The following NIBAN2 variants were observed in gnomAD, a reference collection of about 807,000 sequenced individuals.
NIBAN2 encodes the protein niban apoptosis regulator 2.
A neutral mutation model predicts 81.8 loss-of-function variants in NIBAN2; 36 were observed. That is an observed-to-expected ratio of 0.44 (90% CI 0.34 to 0.58). The LOEUF is 0.58. Among genes scored for constraint, NIBAN2 ranks in the 20% least tolerant of loss-of-function variants. The probability of loss-of-function intolerance (pLI) is 0.02; values close to 1 mark genes in which losing one functional copy is unlikely to be tolerated. For synonymous variants in NIBAN2, 445 were observed against 441.6 expected (o/e 1.01, Z -0.10); for missense variants, 897 against 1,014.1 (o/e 0.88, Z 1.57).
At chr9:127,527,116 T>C (rs1837083587) in intron 3 of NIBAN2, 78 bp downstream of exon 3, 1 of 1,574,832 alleles carries the variant, frequency 6.3e-7, no homozygotes. Flanking sequence ...GTCTGGGGCC[T>C]AAGTTTCCGA....
At chr9:127,573,540 T>C (rs1373479114), upstream of NIBAN2, among the ~76,000 whole-genome samples, 2 of 151,916 alleles carry the variant, frequency 1.3e-5, no homozygotes, top group Non-Finnish European at 2.9e-5. Flanking sequence ...TTCTCAACTC[T>C]AAAATGCTGG....
At chr9:127,539,761 G>C (rs114200386) in intron 1 of NIBAN2, among the ~76,000 whole-genome samples, 3,852 of 152,134 alleles carry the variant, frequency 0.025, 154 homozygotes, top group African/African-American at 0.087. Context: ...CAGCCCCCTC[G>C]GGCCAGACAA....
At chr9:127,521,146 C>T (rs1396981905) in intron 5 of NIBAN2, among the ~76,000 whole-genome samples, 5 of 152,278 alleles carry the variant, frequency 3.3e-5, no homozygotes, top group East Asian at 3.9e-4. Context: ...AAACTGAGGC[C>T]CCAGCCCTGG....
At position 127,517,949 on chromosome 9, in the gene NIBAN2, G is replaced by A. The variant is rs745764324; in HGVS notation, c.590-8C>T. On this transcript the variant is annotated splice_polypyrimidine_tract_variant and splice_region_variant and intron_variant, in intron 5 of 13. Transcript: ENST00000373312. The surrounding 1 kb of genome is among the most constrained non-coding windows in gnomAD (Gnocchi z 4.0). Reference sequence around the variant, plus strand: ...TGGAGTCCTCAGGGATTCCTGCCCAGGAGACGGAGGGAGAGAGGAGGTCAG... The same window carrying A: ...TGGAGTCCTCAGGGATTCCTGCCCAAGAGACGGAGGGAGAGAGGAGGTCAG... 2.5e-6 allele frequency: 4 copies of A among 1,571,812 alleles called. No individual in the cohort carries two copies. Among genetic ancestry groups the A allele is most frequent in the African/African-American group, 2.7e-5 (2 of 73,966 alleles).
Position 127,536,957 on chromosome 9 carries a change from C to T in NIBAN2, c.56-5179G>A, listed in dbSNP as rs533599805. On this transcript the variant is annotated intron_variant, in intron 1 of 13. Transcript: ENST00000373312. This position sits in a 1 kb window ranked among gnomAD's most constrained non-coding sequence, Gnocchi z 4.0. The stretch of plus-strand genomic sequence containing the variant: ...TCCAGCTGGTGGTAGAAATCACTCG[C>T]TTCTGTGAGCTACAGAGAGGCTGGG... Among the ~76,000 whole-genome samples, 6 of 152,352 alleles carry T rather than the reference C, an allele frequency of 3.9e-5. No individual in the cohort carries two copies. The highest frequency in any genetic ancestry group is 1.3e-4 in the Admixed American group (2 of 15,302).
Position 127,515,845 on chromosome 9 carries a change from A to G in NIBAN2, c.973+1012T>C, listed in dbSNP as rs117432531. Among the ~76,000 whole-genome samples, 331 of 151,794 alleles carry G rather than the reference A, an allele frequency of 2.2e-3. 3 individuals carry two copies. In the East Asian group the frequency reaches 0.043, roughly 20 times the overall value. On this transcript the variant is annotated intron_variant, in intron 8 of 13. Coordinates refer to ENST00000373312, the MANE Select transcript of NIBAN2 (RefSeq NM_022833.4). The stretch of plus-strand genomic sequence containing the variant: ...ATCAAGACTCCATCTCAAAATAATA[A>G]TAATAATAATGGCTGGGCACAGTCG...
chr9:127,515,998 C>T (rs1450053509), intron 8 of NIBAN2, among the ~76,000 whole-genome samples: 4 of 152,104 alleles, frequency 2.6e-5, no homozygotes, highest in Admixed American at 6.5e-5. Flanking sequence ...ATGTGCTGGG[C>T]GTGGTGGCAC....
intron 3 of NIBAN2, among the ~76,000 whole-genome samples, chr9:127,526,398 CAAAA>C (rs71495649): frequency 1.1e-5 from 1 of 92,590 alleles, no homozygotes; most frequent in African/African-American, 4.3e-5. Flanking sequence ...GACTTCATCT[CAAAA>C]AAAAAAAAAA....
chr9:127,523,246 T>G (rs1588160571), intron 5 of NIBAN2, among the ~76,000 whole-genome samples: 1 of 62,770 alleles, frequency 1.6e-5, no homozygotes, highest in Non-Finnish European at 2.8e-5. Flanking sequence ...TATATATATA[T>G]ATATATAAAA....
In NIBAN2 at chr9:127,505,369, A is replaced by T. The variant is rs1427041758; in HGVS notation, c.*1476T>A. 3 of 152,658 alleles carry T rather than the reference A, an allele frequency of 2.0e-5. No individual in the cohort carries two copies. The highest frequency in any genetic ancestry group is 6.5e-5 in the Admixed American group (1 of 15,290). 9.5% of individuals were successfully genotyped at this position (152,658 alleles called of 1,614,324 possible). A position where few individuals can be genotyped will look rare whatever the true frequency, so the allele number is the denominator to read the frequency against. On this transcript the variant is annotated 3_prime_UTR_variant, in exon 14 of 14. Coordinates refer to ENST00000373312, the MANE Select transcript of NIBAN2 (RefSeq NM_022833.4). ...TTAAATAAAGCGTTTATTGATTAGT[A>T]GAAGCATGAACAGTGTGCATAATAT...
chr9:127,527,067 C>T, intron 3 of NIBAN2, 127 bp downstream of exon 3: 2 of 1,180,582 alleles, frequency 1.7e-6, no homozygotes, highest in African/African-American at 1.5e-5. Flanking sequence ...TGAGGTGGTG[C>T]TCTGGCCCTG....
intron 1 of NIBAN2, among the ~76,000 whole-genome samples, chr9:127,567,063 A>G (rs1294534044): frequency 6.6e-6 from 1 of 151,922 alleles, no homozygotes; most frequent in East Asian, 1.9e-4. Context: ...AATAAATCCA[A>G]CCCTCTCCAG....
Position 127,507,431 on chromosome 9 carries a change from G to T in NIBAN2, c.1655C>A (p.Ala552Asp). ...LQTVMKDILQAVKEAAVQRKH... is the reference protein window; with the variant it reads ...LQTVMKDILQDVKEAAVQRKH... Reference sequence around the variant, plus strand: ...CCTCTGCACCGCGGCCTCCTTCACAGCTACAGGGCCACAGGGGAAGGGTCA... The same window carrying T: ...CCTCTGCACCGCGGCCTCCTTCACATCTACAGGGCCACAGGGGAAGGGTCA... The change falls in exon 14 of 14, where the codon GCT (alanine) becomes GAT (aspartate). Residue 552 changes from alanine to aspartate, a missense_variant and splice_region_variant. Physicochemically the swap from Ala to Asp is moderately radical, Grantham distance 126 (BLOSUM62 -2). Transcript: ENST00000373312. The surrounding 1 kb of genome is among the most constrained non-coding windows in gnomAD (Gnocchi z 6.8). 1 of 1,505,180 alleles carries T rather than the reference G, an allele frequency of 6.6e-7. No individual in the cohort carries two copies. The highest frequency in any genetic ancestry group is 2.3e-5 in the Admixed American group (1 of 42,738). The allele number at this position is 1,505,180 out of a possible 1,614,324, so 93.2% of individuals were successfully genotyped here. A position where few individuals can be genotyped will look rare whatever the true frequency, so the allele number is the denominator to read the frequency against.
In NIBAN2 at chr9:127,527,307, G is replaced by T. The variant is rs769941762; in HGVS notation, c.202C>A (p.Arg68Ser). 8.7e-6 allele frequency: 14 copies of T among 1,613,464 alleles called. No homozygotes were observed. Among genetic ancestry groups the T allele is most frequent in the Non-Finnish European group, 1.2e-5 (14 of 1,179,886 alleles). Residue 68 changes from arginine (R) to serine (S), a missense_variant, in exon 3 of 14, where the codon CGC becomes AGC. Arg to Ser is a moderately radical substitution (Grantham distance 110). Coordinates refer to ENST00000373312, the MANE Select transcript of NIBAN2 (RefSeq NM_022833.4). ...AAGAGGTTCCCCGAGAAGACGATGC[G>T]CTCGTCCAGTGGCACCTGTGGGCAG... ...LLWRKVPLDERIVFSGNLFQH... is the reference protein window; with the variant it reads ...LLWRKVPLDESIVFSGNLFQH...
At chr9:127,522,410 C>G (rs567415668) in intron 5 of NIBAN2, among the ~76,000 whole-genome samples, 125 of 152,290 alleles carry the variant, frequency 8.2e-4, no homozygotes, top group African/African-American at 3.0e-3. Context: ...AGGAGCTTCC[C>G]TCAGGCCAGA....
rs1837909105 is a variant in NIBAN2 at position 127,568,990 on chromosome 9, GCTCCCGC to G, written c.-123_-117del. ...CCGCCCTGCTTCCCCCGCTCCCGCC[GCTCCCGC>G]CGCTCCCGCCGCCCGGCTGCGGCTT... is the stretch of plus-strand genomic sequence containing the variant. On this transcript the variant is annotated 5_prime_UTR_variant, in exon 1 of 14. Coordinates refer to ENST00000373312, the MANE Select transcript of NIBAN2 (RefSeq NM_022833.4). 2 of 1,114,316 alleles carry G rather than the reference GCTCCCGC, an allele frequency of 1.8e-6. No homozygotes were observed. 69.0% of individuals were successfully genotyped at this position (1,114,316 alleles called of 1,614,324 possible). A position where few individuals can be genotyped will look rare whatever the true frequency, so the allele number is the denominator to read the frequency against.
In NIBAN2 at chr9:127,517,875, G is replaced by A. The variant is rs776987381; in HGVS notation, c.656C>T (p.Ser219Phe). ...FTDAIRMYRQ[S>F]KELYGTWEML... ...CTCCCAGGTGCCGTACAGCTCCTTG[G>A]ACTGTCGGTACATGCGGATGGCATC... Residue 219 changes from serine (S) to phenylalanine (F), a missense_variant, in exon 6 of 14, where the codon TCC (serine) becomes TTC (phenylalanine). Ser to Phe is a radical substitution (Grantham distance 155). This residue lies in a region of NIBAN2 where 69 missense variants were observed against 114.7 expected (regional missense o/e 0.60). Transcript: ENST00000373312. This position sits in a 1 kb window ranked among gnomAD's most constrained non-coding sequence, Gnocchi z 4.0. 22 of 1,613,874 alleles carry A rather than the reference G, an allele frequency of 1.4e-5. No homozygotes were observed. The highest frequency in any genetic ancestry group is 1.6e-5 in the Non-Finnish European group (19 of 1,179,934).
At position 127,525,306 on chromosome 9, in the gene NIBAN2, A is replaced by G. The variant is rs1837043224; in HGVS notation, c.316-143T>C. On this transcript the variant is annotated intron_variant, in intron 3 of 13. Transcript: ENST00000373312. ...AAGAGGCAAGAGAGGAACAGAGGGG[A>G]GAATGTCACTATCATGGTGATTGGG... The G allele has an allele frequency of 6.8e-5, 42 of 620,124 alleles. 1 individual carries two copies. In the South Asian group the frequency reaches 7.7e-4, roughly 11 times the overall value. The allele number at this position is 620,124 out of a possible 1,614,324, so 38.4% of individuals were successfully genotyped here.
chr9:127,574,573 T>C (rs532263950), intron 1 of NIBAN2, among the ~76,000 whole-genome samples: 4 of 152,112 alleles, frequency 2.6e-5, no homozygotes, highest in Admixed American at 6.5e-5. Context: ...GGAGAGGCCC[T>C]TTCTCTCCCC....
Sources: allele counts gnomAD v4.1 joint callset (sites outside exome capture counted in the v4.1 genomes callset), GRCh38; gene constraint gnomAD v4.1.1; regional missense constraint gnomAD v4.1.1; non-coding constraint Gnocchi (gnomAD v3.1); transcripts MANE v1.5; gene names NCBI Gene and HGNC (gene_info 2026-07-23, HGNC 2026-07-21).